Variants in RNF144A observed in about 807,000 individuals in gnomAD.
RNF144A encodes E3 ubiquitin-protein ligase RNF144A.
A neutral mutation model predicts 38.7 loss-of-function variants in RNF144A; 11 were observed. The ratio of observed to expected loss-of-function variants is 0.28; its 90% CI spans 0.18 to 0.47. The LOEUF (loss-of-function observed/expected upper bound fraction) is 0.47, where lower values mean the gene tolerates loss of function less well. RNF144A is among the 20% of genes least tolerant of loss of function. The pLI, the probability that RNF144A is intolerant of heterozygous loss-of-function variation, is 0.99. For synonymous variants in RNF144A, 149 were observed against 143.9 expected (o/e 1.04, Z -0.25); for missense variants, 316 against 377.2 (o/e 0.84, Z 1.34).
intron 8 of RNF144A, among the ~76,000 whole-genome samples, chr2:7,034,029 G>T: frequency 6.6e-6 from 1 of 152,166 alleles, no homozygotes; most frequent in East Asian, 1.9e-4. Context: ...GGAGCCATGA[G>T]AGCTGCTTTA....
At position 7,016,206 on chromosome 2, in the gene RNF144A, G is replaced by A. The variant is rs991393012; in HGVS notation, c.301+1434G>A. ...ATGGCATTGACATTTGTTTTCAAGA[G>A]TGTGTTTATTAAAGTGTCGTATATC... On this transcript the variant is annotated intron_variant, in intron 5 of 8. Transcript: ENST00000320892. Among the ~76,000 whole-genome samples the A allele has an allele frequency of 3.3e-5, 5 of 151,656 alleles. No individual in the cohort carries two copies. The East Asian group carries it at 7.7e-4, about 23-fold the overall frequency.
chr2:7,030,858 C>T (rs56198546), intron 8 of RNF144A, among the ~76,000 whole-genome samples: 10,142 of 151,968 alleles, frequency 0.067, 414 homozygotes, highest in Middle Eastern at 0.18. Flanking sequence ...TGTTTTCCTG[C>T]AACTAGATGG....
intron 3 of RNF144A, among the ~76,000 whole-genome samples, chr2:6,997,420 G>A (rs1669821537): frequency 6.6e-6 from 1 of 152,234 alleles, no homozygotes; most frequent in Admixed American, 6.5e-5. Flanking sequence ...GGTTATGGCA[G>A]TGCTAACCTA....
rs533350534 is a variant in RNF144A, at chr2:7,031,324, C to T, written c.747+1109C>T. ...TGTAGGAGCTGGAGATACAGTGGTG[C>T]GTGAGACAGATGTGTCCTTCTACGG... On this transcript the variant is annotated intron_variant, in intron 8 of 8. Transcript: ENST00000320892. Among the ~76,000 whole-genome samples, 13 of 151,898 alleles carry T rather than the reference C, an allele frequency of 8.6e-5. No homozygotes were observed. The South Asian group carries it at 1.5e-3, about 17-fold the overall frequency.
chr2:7,027,174 C>T (rs1003454655), intron 7 of RNF144A, among the ~76,000 whole-genome samples: 1 of 152,216 alleles, frequency 6.6e-6, no homozygotes, highest in Non-Finnish European at 1.5e-5. Context: ...AGACCGCCTC[C>T]TCCCCATCGT....
intron 1 of RNF144A, among the ~76,000 whole-genome samples, chr2:6,933,694 C>A (rs1369011279): frequency 1.4e-5 from 2 of 141,358 alleles, no homozygotes; most frequent in Non-Finnish European, 3.1e-5. Context: ...AATTTTAATT[C>A]TTCTAGAAAA....
chr2:6,929,413 C>T (rs542419461), intron 1 of RNF144A, among the ~76,000 whole-genome samples: 2 of 152,282 alleles, frequency 1.3e-5, no homozygotes, highest in East Asian at 1.9e-4. Flanking sequence ...GGAGCTAAGC[C>T]GTGGGTGTTA....
In RNF144A at chr2:6,958,902, C is replaced by T. The variant is rs1216188153; in HGVS notation, c.-12+17755C>T. 1.3e-5 allele frequency among the ~76,000 whole-genome samples: 2 copies of T among 152,118 alleles called. No homozygotes were observed. The highest frequency in any genetic ancestry group is 4.8e-5 in the African/African-American group (2 of 41,428). ...AAAGCTTCTCTTTTACCCAATGGCT[C>T]CCTAAAAGCTTCTCTTTTACCCAGT... On this transcript the variant is annotated intron_variant, in intron 2 of 8. Coordinates refer to ENST00000320892, the MANE Select transcript of RNF144A (RefSeq NM_014746.6). This position sits in a 1 kb window ranked among gnomAD's most constrained non-coding sequence, Gnocchi z 4.5.
intron 6 of RNF144A, chr2:7,068,147 A>T: frequency 2.5e-6 from 2 of 811,458 alleles, no homozygotes; most frequent in Non-Finnish European, 3.7e-6. Context: ...GATGTGATTT[A>T]CACAAGTATC....
In RNF144A at chr2:6,941,612, A is replaced by G. The variant is rs1011178138; in HGVS notation, c.-12+465A>G. Among the ~76,000 whole-genome samples the G allele has an allele frequency of 6.6e-6, 1 of 152,226 alleles. No homozygotes were observed. Among genetic ancestry groups the G allele is most frequent in the African/African-American group, 2.4e-5 (1 of 41,460 alleles). On this transcript the variant is annotated intron_variant, in intron 2 of 8. Transcript: ENST00000320892. This position sits in a 1 kb window ranked among gnomAD's most constrained non-coding sequence, Gnocchi z 6.5. The stretch of plus-strand genomic sequence containing the variant: ...GGAAGAGACAGACAATTCTCATTTG[A>G]CAGTAGCCGGAAGCAAATTATATAC...
chr2:7,019,887 G>A (rs1671400571), intron 5 of RNF144A, among the ~76,000 whole-genome samples: 1 of 152,234 alleles, frequency 6.6e-6, no homozygotes, highest in African/African-American at 2.4e-5. Context: ...TCACTCCGTA[G>A]TTAACTCGTG....
At chr2:7,016,403 T>C (rs1671141041) in intron 5 of RNF144A, among the ~76,000 whole-genome samples, 2 of 152,204 alleles carry the variant, frequency 1.3e-5, no homozygotes, top group South Asian at 4.1e-4. Flanking sequence ...TACAAGAATA[T>C]GAACTTTCTA....
intron 5 of RNF144A, among the ~76,000 whole-genome samples, chr2:7,018,333 G>A (rs1463018264): frequency 4.6e-5 from 7 of 152,220 alleles, no homozygotes; most frequent in Non-Finnish European, 2.9e-5. Context: ...CCTCCCGCAG[G>A]GCTGGGCAGA....
At position 7,014,728 on chromosome 2, in the gene RNF144A, C is replaced by T; in HGVS notation, c.257C>T (p.Ala86Val). 1.9e-6 allele frequency: 3 copies of T among 1,612,936 alleles called. No individual in the cohort carries two copies. Among genetic ancestry groups the T allele is most frequent in the Non-Finnish European group, 2.5e-6 (3 of 1,179,106 alleles). ...TTCCCTTAGATTGAGTGCATGGTTG[C>T]AGCTGAAATTATGCAAAGATATAAA... ...LQENEIECMVAAEIMQRYKKL... is the reference protein window; with the variant it reads ...LQENEIECMVVAEIMQRYKKL... The change falls in exon 5 of 9, where the codon GCA becomes GTA. Residue 86 changes from alanine (A) to valine (V), a missense_variant. Physicochemically the swap from Ala to Val is moderately conservative, Grantham distance 64 (BLOSUM62 0). Transcript: ENST00000320892.
intron 5 of RNF144A, among the ~76,000 whole-genome samples, chr2:7,018,395 C>T (rs1336315729): frequency 6.6e-6 from 1 of 152,256 alleles, no homozygotes; most frequent in East Asian, 1.9e-4. Context: ...CCACAGCACT[C>T]ACAGAGGGCA....
chr2:6,931,758 A>T (rs1043399688), intron 1 of RNF144A, among the ~76,000 whole-genome samples: 38 of 151,780 alleles, frequency 2.5e-4, no homozygotes, highest in African/African-American at 8.5e-4. Context: ...TCTCTTACTG[A>T]TTTTTAGTTT....
chr2:7,044,480 A>C (rs372446070), downstream of RNF144A, among the ~76,000 whole-genome samples: 50 of 152,292 alleles, frequency 3.3e-4, no homozygotes, highest in East Asian at 6.4e-3. Context: ...GTGGTGCCCA[A>C]CCGGTACTGC....
intron 3 of RNF144A, among the ~76,000 whole-genome samples, chr2:7,011,401 CA>C (rs963354766): frequency 2.0e-5 from 3 of 152,110 alleles, no homozygotes; most frequent in Non-Finnish European, 2.9e-5. Context: ...AGTAAGTATA[CA>C]AAAAATGTAC....
intron 3 of RNF144A, among the ~76,000 whole-genome samples, chr2:7,011,222 A>G (rs916211608): frequency 3.3e-5 from 5 of 152,260 alleles, no homozygotes; most frequent in African/African-American, 1.2e-4. Flanking sequence ...TCATATAGTG[A>G]AGCAGCTCAG....
Sources: gnomAD v4.1 joint callset for allele counts (sites outside exome capture counted in the v4.1 genomes callset) on GRCh38, gnomAD v4.1.1 for gene constraint, Gnocchi (gnomAD v3.1) non-coding constraint, MANE v1.5 for transcripts, NCBI Gene and HGNC (gene_info 2026-07-23, HGNC 2026-07-21) for gene names.